The following POU2AF1 variants were observed in gnomAD, a reference collection of about 807,000 sequenced individuals.
POU2AF1 encodes the protein POU domain class 2-associating factor 1.
A neutral mutation model predicts 26.3 loss-of-function variants in POU2AF1; 12 were observed. That is an observed-to-expected ratio of 0.46 (90% CI 0.29 to 0.74). The LOEUF is 0.74. Ranked by LOEUF, POU2AF1 falls within the 30% of genes least tolerant of loss-of-function variation. The probability of loss-of-function intolerance (pLI) is 0.09; values close to 1 mark genes in which losing one functional copy is unlikely to be tolerated. For synonymous variants in POU2AF1, 175 were observed against 148.0 expected, an observed-to-expected ratio of 1.18 and a Z score of -1.32; for missense variants, 297 against 334.5, an observed-to-expected ratio of 0.89 and a Z score of 0.87.
In POU2AF1 at chr11:111,352,661, T is replaced by G; in HGVS notation, c.*1600A>C. 5.7e-6 allele frequency: 1 copy of G among 175,624 alleles called. No individual in the cohort carries two copies. The highest frequency in any genetic ancestry group is 1.2e-5 in the Non-Finnish European group (1 of 81,524). The allele number at this position is 175,624 out of a possible 1,614,324, so 10.9% of individuals were successfully genotyped here. A position where few individuals can be genotyped will look rare whatever the true frequency, so the allele number is the denominator to read the frequency against. ...GAAACCCACATGGTAAAAGGCTGGG[T>G]GCGGTGGCTCACGCCTGTGATCCCA... is the stretch of plus-strand genomic sequence containing the variant. On this transcript the variant is annotated 3_prime_UTR_variant, in exon 5 of 5. Coordinates refer to ENST00000393067, the MANE Select transcript of POU2AF1 (RefSeq NM_006235.3).
intron 1 of POU2AF1, among the ~76,000 whole-genome samples, chr11:111,366,125 A>G (rs1270790517): frequency 6.6e-6 from 1 of 152,214 alleles, no homozygotes; most frequent in Non-Finnish European, 1.5e-5. Flanking sequence ...GACTTGACAC[A>G]CTACAGAAAG....
At position 111,358,839 on chromosome 11, in the gene POU2AF1, C is replaced by T. The variant is rs1373182827; in HGVS notation, c.96G>A (p.Leu32=). The change falls in exon 2 of 5, where the codon CTG becomes CTA. Residue 32 remains leucine, a synonymous_variant. Coordinates refer to ENST00000393067, the MANE Select transcript of POU2AF1 (RefSeq NM_006235.3). ...VRVKEPVKEL[L]RRKRGHASSG... ...TGCTGGCGTGGCCTCGCTTCCTCCT[C>T]AGCAGTTCCTTCACTGGCTCCTTCA... The T allele has an allele frequency of 1.9e-6, 3 of 1,609,108 alleles. No homozygotes were observed. Among genetic ancestry groups the T allele is most frequent in the Non-Finnish European group, 2.5e-6 (3 of 1,179,910 alleles).
chr11:111,366,786 G>A (rs1004629895), intron 1 of POU2AF1, among the ~76,000 whole-genome samples: 1 of 152,090 alleles, frequency 6.6e-6, no homozygotes, highest in African/African-American at 2.4e-5. Flanking sequence ...ACAGCAGAGG[G>A]TTTTTCAGTC....
chr11:111,358,750 A>G, intron 2 of POU2AF1, 38 bp downstream of exon 2: 1 of 1,539,810 alleles, frequency 6.5e-7, no homozygotes. Context: ...TCTCTTTCAC[A>G]CACACACACT....
chr11:111,360,336 C>T (rs964977477), intron 1 of POU2AF1, among the ~76,000 whole-genome samples: 3 of 152,194 alleles, frequency 2.0e-5, no homozygotes, highest in Non-Finnish European at 4.4e-5. Flanking sequence ...CCCGGATCTG[C>T]AGCACTGCCC....
At chr11:111,357,416 G>A (rs771564921) in intron 4 of POU2AF1, 29 bp downstream of exon 4, 7 of 1,613,656 alleles carry the variant, frequency 4.3e-6, no homozygotes, top group Admixed American at 3.3e-5. Flanking sequence ...CAGCATGGGC[G>A]GGTGCAGTCC....
intron 4 of POU2AF1, among the ~76,000 whole-genome samples, chr11:111,355,727 G>A (rs923326558): frequency 6.6e-6 from 1 of 152,168 alleles, no homozygotes; most frequent in East Asian, 1.9e-4. Context: ...CAAGGCTTTA[G>A]GGTGTTTTTG....
chr11:111,376,160 C>T (rs1192382713), intron 1 of POU2AF1, among the ~76,000 whole-genome samples: 4 of 152,206 alleles, frequency 2.6e-5, no homozygotes, highest in African/African-American at 9.6e-5. Context: ...TATCAGGAAA[C>T]TTGCTATCAT....
At chr11:111,360,522 G>A (rs924669440) in intron 1 of POU2AF1, among the ~76,000 whole-genome samples, 2 of 152,176 alleles carry the variant, frequency 1.3e-5, no homozygotes, top group African/African-American at 4.8e-5. Flanking sequence ...GCAGATGTTG[G>A]GGGTCAGGAA....
At chr11:111,369,916 A>AT (rs1190006933) in intron 1 of POU2AF1, among the ~76,000 whole-genome samples, 5 of 152,184 alleles carry the variant, frequency 3.3e-5, no homozygotes, top group Admixed American at 6.5e-5. Flanking sequence ...TGGATATCCG[A>AT]TTTTTTGTTC....
intron 1 of POU2AF1, among the ~76,000 whole-genome samples, chr11:111,369,979 GA>G (rs1048122719): frequency 6.6e-6 from 1 of 152,154 alleles, no homozygotes; most frequent in Non-Finnish European, 1.5e-5. Context: ...GAGCTTTATT[GA>G]AAAAACTTAA....
At chr11:111,359,885 C>T in intron 1 of POU2AF1, 7 of 505,768 alleles carry the variant, frequency 1.4e-5, no homozygotes, top group South Asian at 9.9e-5. Flanking sequence ...CATTTGTCTT[C>T]CCTTCACCTC....
intron 2 of POU2AF1, 100 bp from the exon 3 acceptor site, chr11:111,357,937 G>T: frequency 8.0e-7 from 1 of 1,255,968 alleles, no homozygotes; most frequent in South Asian, 1.6e-5. Context: ...GAGAATAGAA[G>T]ATAGGAATCT....
At chr11:111,366,554 A>G (rs1012909486) in intron 1 of POU2AF1, among the ~76,000 whole-genome samples, 2 of 152,168 alleles carry the variant, frequency 1.3e-5, no homozygotes, top group African/African-American at 4.8e-5. Context: ...AGATAAAGGG[A>G]CAGTGACATG....
intron 1 of POU2AF1, among the ~76,000 whole-genome samples, chr11:111,363,606 C>T (rs1861051946): frequency 6.6e-6 from 1 of 152,120 alleles, no homozygotes; most frequent in South Asian, 2.1e-4. Flanking sequence ...AACTTCAAAA[C>T]AACTAAACTG....
At chr11:111,361,043 C>T (rs1860997488) in intron 1 of POU2AF1, among the ~76,000 whole-genome samples, 1 of 151,926 alleles carries the variant, frequency 6.6e-6, no homozygotes, top group Non-Finnish European at 1.5e-5. Context: ...CTCCCGATAA[C>T]ATCCCAATAG....
rs1860792576 is a variant in POU2AF1, at chr11:111,354,119, G to A, written c.*142C>T. ...GAGGGGAAGGAAGAAGGGAAGGAAG[G>A]TTTACAGGTCTACAATTCTAGCTGT... On this transcript the variant is annotated 3_prime_UTR_variant, in exon 5 of 5. Transcript: ENST00000393067. 2.3e-6 allele frequency: 2 copies of A among 883,720 alleles called. No individual in the cohort carries two copies. Among genetic ancestry groups the A allele is most frequent in the South Asian group, 1.7e-5 (1 of 57,224 alleles). The allele number at this position is 883,720 out of a possible 1,614,324, so 54.7% of individuals were successfully genotyped here.
chr11:111,354,656 A>G, intron 4 of POU2AF1, 81 bp from the exon 5 acceptor site: 4 of 1,211,994 alleles, frequency 3.3e-6, no homozygotes, highest in African/African-American at 1.5e-5. Context: ...AGGGGTCTCC[A>G]TCTCCCCCTT....
In POU2AF1 at chr11:111,354,444, C is replaced by T. The variant is rs200175556; in HGVS notation, c.588G>A (p.Pro196=). 35 of 1,613,920 alleles carry T rather than the reference C, an allele frequency of 2.2e-5. No individual in the cohort carries two copies. Among genetic ancestry groups the T allele is most frequent in the East Asian group, 1.6e-4 (7 of 44,860 alleles). The change falls in exon 5 of 5, where the codon CCG becomes CCA. Residue 196 remains proline (P), a synonymous_variant. Coordinates refer to ENST00000393067, the MANE Select transcript of POU2AF1 (RefSeq NM_006235.3). ...LPTSTLQYQP[P]APALPGPQFV... is the part of the protein sequence containing the mutation. ...ACTGGGGCCCAGGTAGGGCTGGGGC[C>T]GGAGGCTGGTACTGCAGGGTGGAGG...
Sources: gnomAD v4.1 joint callset for allele counts (sites outside exome capture counted in the v4.1 genomes callset) on GRCh38, gnomAD v4.1.1 for gene constraint, MANE v1.5 for transcripts, NCBI Gene and HGNC (gene_info 2026-07-23, HGNC 2026-07-21) for gene names.